IRAK3: variants seen among roughly 807,000 people sequenced by gnomAD.
IRAK3 encodes interleukin-1 receptor-associated kinase 3.
A neutral mutation model predicts 56.6 loss-of-function variants in IRAK3; 57 were observed. That is an observed-to-expected ratio of 1.01 (90% CI 0.81 to 1.26). IRAK3 has a LOEUF of 1.26. IRAK3 is among the 50% of genes most tolerant of loss of function. IRAK3 has a pLI of 0.00. For synonymous variants in IRAK3, 258 were observed against 255.7 expected (o/e 1.01, Z -0.09); for missense variants, 703 against 719.0 (o/e 0.98, Z 0.25).
At position 66,189,428 on chromosome 12, in the gene IRAK3, C is replaced by T. The variant is rs2052377606; in HGVS notation, c.129C>T (p.Gly43=). 6 of 1,323,608 alleles carry T rather than the reference C, an allele frequency of 4.5e-6. No individual in the cohort carries two copies. Among genetic ancestry groups the T allele is most frequent in the Non-Finnish European group, 4.8e-6 (5 of 1,034,760 alleles). 82.0% of individuals were successfully genotyped at this position (1,323,608 alleles called of 1,614,324 possible). Reference sequence around the variant, plus strand: ...GCGACGGCGCGCTGGGCTGGCGCGGCCTGGGTGAGTCGGCGGGGACCGGCC... The same window carrying T: ...GCGACGGCGCGCTGGGCTGGCGCGGTCTGGGTGAGTCGGCGGGGACCGGCC... The part of the protein sequence containing the change: ...DSCDGALGWR[G]LAERLSSSWL... The change falls in exon 1 of 12, where the codon GGC becomes GGT. Residue 43 remains glycine (G), a synonymous_variant. Transcript: ENST00000261233.
chr12:66,208,342 CAA>C (rs1377052505), intron 2 of IRAK3, among the ~76,000 whole-genome samples: 3 of 115,220 alleles, frequency 2.6e-5, no homozygotes, highest in African/African-American at 1.4e-4. Flanking sequence ...CACACACACA[CAA>C]ACACACACAC....
intron 1 of IRAK3, chr12:66,197,315 A>G (rs768192477): frequency 6.4e-5 from 67 of 1,052,170 alleles, no homozygotes; most frequent in Non-Finnish European, 7.4e-5. Context: ...GAGTAAACAA[A>G]GTCCTATATT....
intron 1 of IRAK3, among the ~76,000 whole-genome samples, chr12:66,201,868 A>G (rs1171371304): frequency 6.6e-6 from 1 of 152,216 alleles, no homozygotes; most frequent in African/African-American, 2.4e-5. Context: ...ATCTAACTGT[A>G]TTACGAATGA....
chr12:66,209,690 T>C (rs911092422), intron 3 of IRAK3, among the ~76,000 whole-genome samples, 170 bp downstream of exon 3: 3 of 152,190 alleles, frequency 2.0e-5, no homozygotes, highest in African/African-American at 7.2e-5. Context: ...TTTAGGAAAT[T>C]AGAGATTTAT....
rs901824078 is a variant in IRAK3, at chr12:66,253,881, G to A, written c.*5710G>A. 3 of 152,116 alleles carry A rather than the reference G, an allele frequency of 2.0e-5. No homozygotes were observed. The highest frequency in any genetic ancestry group is 7.2e-5 in the African/African-American group (3 of 41,424). 9.4% of individuals were successfully genotyped at this position (152,116 alleles called of 1,614,324 possible). On this transcript the variant is annotated 3_prime_UTR_variant, in exon 12 of 12. Transcript: ENST00000261233. ...CCCTAAGTCATACTACTGATGGAAT[G>A]AGAATACAAACCAAAAACACTTTAT...
In IRAK3 at chr12:66,210,326, C is replaced by T. The variant is rs1011591043; in HGVS notation, c.436+125C>T. ...TATATTCAAATTCGGTATAAAATTT[C>T]ATAGATATTAAAATAACTTCAATTT... On this transcript the variant is annotated intron_variant, in intron 4 of 11. Transcript: ENST00000261233. 2.2e-5 allele frequency: 14 copies of T among 649,348 alleles called. No individual in the cohort carries two copies. The African/African-American group carries it at 2.2e-4, about 10-fold the overall frequency. The allele number at this position is 649,348 out of a possible 1,614,324, so 40.2% of individuals were successfully genotyped here. A position where few individuals can be genotyped will look rare whatever the true frequency, so the allele number is the denominator to read the frequency against.
intron 2 of IRAK3, among the ~76,000 whole-genome samples, chr12:66,205,722 C>T (rs1381101208): frequency 6.6e-6 from 1 of 152,108 alleles, no homozygotes; most frequent in African/African-American, 2.4e-5. Flanking sequence ...CAATTTTATT[C>T]TGTTTTGTGG....
intron 8 of IRAK3, among the ~76,000 whole-genome samples, chr12:66,238,768 C>T (rs1300136516): frequency 6.6e-6 from 1 of 152,136 alleles, no homozygotes; most frequent in Non-Finnish European, 1.5e-5. Context: ...AAGGTGTTTT[C>T]AACAAGTCTG....
chr12:66,192,656 A>T (rs540204992), intron 1 of IRAK3, among the ~76,000 whole-genome samples: 74 of 152,348 alleles, frequency 4.9e-4, no homozygotes, highest in African/African-American at 1.6e-3. Context: ...TTAAAAATTA[A>T]ATGTAAAATC....
chr12:66,219,032 TCGTGTGTGTGTGTGTGTATGTG>T (rs1286602211), intron 6 of IRAK3, among the ~76,000 whole-genome samples: 2 of 150,532 alleles, frequency 1.3e-5, no homozygotes, highest in Non-Finnish European at 2.9e-5. Context: ...TAATATTCCA[TCGTGTGTGTGTGTGTGTATGTG>T]TGTGTGTGTG....
At chr12:66,197,732 G>A (rs192239048) in intron 1 of IRAK3, 120 of 985,276 alleles carry the variant, frequency 1.2e-4, no homozygotes, top group East Asian at 1.1e-3. Context: ...TATATGCCCC[G>A]GTCAATGTTA....
At chr12:66,190,520 A>G (rs2052389392) in intron 1 of IRAK3, among the ~76,000 whole-genome samples, 1 of 152,106 alleles carries the variant, frequency 6.6e-6, no homozygotes, top group South Asian at 2.1e-4. Context: ...ATACCCGTTG[A>G]TTTCCTAGAG....
At position 66,250,121 on chromosome 12, in the gene IRAK3, A is replaced by G. The variant is rs1425084945; in HGVS notation, c.*1950A>G. The G allele has an allele frequency of 1.3e-5, 2 of 152,240 alleles. No homozygotes were observed. Among genetic ancestry groups the G allele is most frequent in the Non-Finnish European group, 1.5e-5 (1 of 68,038 alleles). The allele number at this position is 152,240 out of a possible 1,614,324, so 9.4% of individuals were successfully genotyped here. On this transcript the variant is annotated 3_prime_UTR_variant, in exon 12 of 12. Coordinates refer to ENST00000261233, the MANE Select transcript of IRAK3 (RefSeq NM_007199.3). ...ATTCAGCTATAATAAACATTGCCGA[A>G]TAAATTAACAAAGGGAGGATAATGA...
chr12:66,220,711 G>A lies in IRAK3; in HGVS notation c.653+3476G>A, dbSNP rs1019683659. Among the ~76,000 whole-genome samples, 9 of 151,222 alleles carry A rather than the reference G, an allele frequency of 6.0e-5. 1 individual carries two copies. The highest frequency in any genetic ancestry group is 1.3e-4 in the Admixed American group (2 of 15,178). On this transcript the variant is annotated intron_variant, in intron 6 of 11. Coordinates refer to ENST00000261233, the MANE Select transcript of IRAK3 (RefSeq NM_007199.3). The stretch of plus-strand genomic sequence containing the variant: ...AATTTTTTGTATTTTTAGTAGAGAC[G>A]GGGTTTCACCGTTTTAGCCGGGACG...
At chr12:66,232,490 G>A (rs1050828688) in intron 8 of IRAK3, among the ~76,000 whole-genome samples, 1 of 152,292 alleles carries the variant, frequency 6.6e-6, no homozygotes, top group Middle Eastern at 3.4e-3. Flanking sequence ...CTGTTCTCTA[G>A]AAGCTGGAAT....
In IRAK3 at chr12:66,248,307, A is replaced by G. The variant is rs543849745; in HGVS notation, c.*136A>G. 1.1e-5 allele frequency: 7 copies of G among 660,912 alleles called. No individual in the cohort carries two copies. The highest frequency in any genetic ancestry group is 5.4e-5 in the African/African-American group (3 of 55,386). 40.9% of individuals were successfully genotyped at this position (660,912 alleles called of 1,614,324 possible). On this transcript the variant is annotated 3_prime_UTR_variant, in exon 12 of 12. Coordinates refer to ENST00000261233, the MANE Select transcript of IRAK3 (RefSeq NM_007199.3). Reference sequence around the variant, plus strand: ...TGAGTTTGGGTGATGCAGATAAACAATCTGGATAATTCCATTTCTTTTTTC... The same window carrying G: ...TGAGTTTGGGTGATGCAGATAAACAGTCTGGATAATTCCATTTCTTTTTTC...
chr12:66,203,615 TATAA>T (rs2052529133), intron 1 of IRAK3, 92 bp from the exon 2 acceptor site: 5 of 1,118,814 alleles, frequency 4.5e-6, no homozygotes, highest in Non-Finnish European at 5.3e-6. Flanking sequence ...AAGTTAAAGT[TATAA>T]ATAAGAGGAA....
In IRAK3 at chr12:66,248,365, G is replaced by GT; in HGVS notation, c.*198dup. 1 of 524,320 alleles carries GT rather than the reference G, an allele frequency of 1.9e-6. No homozygotes were observed. The highest frequency in any genetic ancestry group is 2.8e-5 in the South Asian group (1 of 35,438). The allele number at this position is 524,320 out of a possible 1,614,324, so 32.5% of individuals were successfully genotyped here. A position where few individuals can be genotyped will look rare whatever the true frequency, so the allele number is the denominator to read the frequency against. On this transcript the variant is annotated 3_prime_UTR_variant, in exon 12 of 12. Coordinates refer to ENST00000261233, the MANE Select transcript of IRAK3 (RefSeq NM_007199.3). ...CTCAAACAGAGTGCCTTAAAAAATT[G>GT]TTTTATCAGGATAATTGTCTCATGA...
At position 66,189,412 on chromosome 12, in the gene IRAK3, C is replaced by T. The variant is rs1396900928; in HGVS notation, c.113C>T (p.Ala38Val). 7.0e-7 allele frequency: 1 copy of T among 1,427,642 alleles called. No individual in the cohort carries two copies. Among genetic ancestry groups the T allele is most frequent in the Admixed American group, 2.6e-5 (1 of 39,184 alleles). The allele number at this position is 1,427,642 out of a possible 1,614,324, so 88.4% of individuals were successfully genotyped here. The change falls in exon 1 of 12, where the codon GCG (alanine) becomes GTG (valine). Residue 38 changes from alanine to valine, a missense_variant. By Grantham distance (64) the Ala-to-Val change is moderately conservative. Transcript: ENST00000261233. ...GCTGTTCTGGACAGCTGCGACGGCG[C>T]GCTGGGCTGGCGCGGCCTGGGTGAG... ...LCAVLDSCDGALGWRGLAERL... is the reference protein window; with the variant it reads ...LCAVLDSCDGVLGWRGLAERL...
Sources: allele counts gnomAD v4.1 joint callset (sites outside exome capture counted in the v4.1 genomes callset), GRCh38; gene constraint gnomAD v4.1.1; transcripts MANE v1.5; gene names NCBI Gene and HGNC (gene_info 2026-07-23, HGNC 2026-07-21).